The following DLGAP2 variants were observed in gnomAD, a reference collection of about 807,000 sequenced individuals.
DLGAP2 encodes the protein DLG associated protein 2.
Under a neutral mutation model 100.3 loss-of-function variants are expected in DLGAP2, and 26 were observed. The observed-to-expected ratio is 0.26, with a 90% CI of 0.19 to 0.36. DLGAP2 has a LOEUF of 0.36. Among genes scored for constraint, DLGAP2 ranks in the 10% least tolerant of loss-of-function variants. DLGAP2 has a pLI of 1.00. For missense variants in DLGAP2, 1,858 were observed against 1,453.2 expected (o/e 1.28, Z -4.53); for synonymous variants, 886 against 630.1 (o/e 1.41, Z -6.08).
At chr8:840,989 A>G (rs1796973811) in intron 1 of DLGAP2, among the ~76,000 whole-genome samples, 1 of 152,212 alleles carries the variant, frequency 6.6e-6, no homozygotes, top group African/African-American at 2.4e-5. Flanking sequence ...GTGATGTCAG[A>G]AAGTATTGAC....
chr8:1,218,051 GTT>G (rs1798247189), intron 2 of DLGAP2, among the ~76,000 whole-genome samples: 1 of 152,116 alleles, frequency 6.6e-6, no homozygotes, highest in African/African-American at 2.4e-5. Flanking sequence ...TAAGTTGTCT[GTT>G]TGCTCTGTTG....
intron 2 of DLGAP2, among the ~76,000 whole-genome samples, chr8:980,313 A>G (rs1381625754): frequency 6.6e-6 from 1 of 152,198 alleles, no homozygotes; most frequent in Non-Finnish European, 1.5e-5. Context: ...TTGGTTAATG[A>G]CCTGGGAAAG....
At chr8:917,339 A>G (rs1798616231) in intron 2 of DLGAP2, among the ~76,000 whole-genome samples, 1 of 151,466 alleles carries the variant, frequency 6.6e-6, no homozygotes, top group African/African-American at 2.4e-5. Flanking sequence ...CTCAGGCACA[A>G]ACAATCTTTC....
intron 3 of DLGAP2, among the ~76,000 whole-genome samples, chr8:1,267,694 C>T (rs192337346): frequency 1.3e-5 from 2 of 152,188 alleles, no homozygotes; most frequent in South Asian, 2.1e-4. Context: ...GAGACGCCCA[C>T]GTCCTCCGTG....
At chr8:1,138,953 T>C (rs1293006063) in intron 2 of DLGAP2, among the ~76,000 whole-genome samples, 1 of 152,118 alleles carries the variant, frequency 6.6e-6, no homozygotes, top group South Asian at 2.1e-4. Flanking sequence ...TGGGAAACTC[T>C]TCCTGTTTAT....
At chr8:748,212 G>T (rs1181915942) in intron 1 of DLGAP2, among the ~76,000 whole-genome samples, 1 of 140,104 alleles carries the variant, frequency 7.1e-6, no homozygotes, top group African/African-American at 2.7e-5. Context: ...CTCTGCGGTG[G>T]GATGAGCGGG....
intron 3 of DLGAP2, among the ~76,000 whole-genome samples, chr8:1,432,718 G>C (rs1254973329): frequency 1.3e-5 from 2 of 152,228 alleles, no homozygotes; most frequent in African/African-American, 2.4e-5. Context: ...AATTTGGCTG[G>C]TGAGATGCCA....
At chr8:1,128,229 C>T (rs1169040463) in intron 2 of DLGAP2, among the ~76,000 whole-genome samples, 4 of 151,438 alleles carry the variant, frequency 2.6e-5, no homozygotes, top group African/African-American at 7.3e-5. Flanking sequence ...ATGTTGTGTT[C>T]GGTGAGGACC....
chr8:1,699,050 T>TG, intron 14 of DLGAP2, among the ~76,000 whole-genome samples: 1 of 152,234 alleles, frequency 6.6e-6, no homozygotes, highest in Admixed American at 6.5e-5. Flanking sequence ...GGATCTGAGG[T>TG]GAAGGAGATG....
At chr8:1,215,948 G>T (rs976113423) in intron 2 of DLGAP2, among the ~76,000 whole-genome samples, 1 of 151,536 alleles carries the variant, frequency 6.6e-6, no homozygotes, top group Non-Finnish European at 1.5e-5. Flanking sequence ...GTTCATTTGG[G>T]TGCATCACCT....
intron 2 of DLGAP2, among the ~76,000 whole-genome samples, chr8:1,077,111 G>A (rs1453323147): frequency 6.6e-6 from 1 of 152,160 alleles, no homozygotes; most frequent in African/African-American, 2.4e-5. Flanking sequence ...GGGTTCCGTG[G>A]CCTGATAGTC....
chr8:1,024,081 A>T (rs1801710915), intron 2 of DLGAP2, among the ~76,000 whole-genome samples: 1 of 151,922 alleles, frequency 6.6e-6, no homozygotes, highest in African/African-American at 2.4e-5. Context: ...TTCCTGCAGG[A>T]CGAGGCCTCC....
chr8:850,827 AT>A (rs1298146665), intron 1 of DLGAP2, among the ~76,000 whole-genome samples: 1,805 of 150,856 alleles, frequency 0.012, 47 homozygotes, highest in African/African-American at 0.042. Context: ...AATAGTTAAA[AT>A]TTTTTTTTTC....
At chr8:1,597,146 G>C (rs980103173) in intron 6 of DLGAP2, among the ~76,000 whole-genome samples, 1 of 152,054 alleles carries the variant, frequency 6.6e-6, no homozygotes, top group Admixed American at 6.6e-5. Context: ...GTTTGTTTTT[G>C]TCAGGTTTGT....
intron 6 of DLGAP2, among the ~76,000 whole-genome samples, chr8:1,592,749 C>T (rs1796329654): frequency 6.6e-6 from 1 of 152,140 alleles, no homozygotes; most frequent in Non-Finnish European, 1.5e-5. Context: ...ATTATGACCT[C>T]CTCAAATGGA....
chr8:1,284,797 G>T (rs1348889921), intron 3 of DLGAP2, among the ~76,000 whole-genome samples: 6 of 152,154 alleles, frequency 3.9e-5, no homozygotes, highest in African/African-American at 1.4e-4. Context: ...TTTATTGAGA[G>T]ATGAGGTCTC....
rs569936991 is a variant in DLGAP2 at position 1,571,145 on chromosome 8, G to A, written c.1442+5251G>A. ...GAGGAGAAAGGGGTGAACTGTGGGG[G>A]CATCTTCTGGGATGGAGAGGAGAGA... On this transcript the variant is annotated intron_variant, in intron 6 of 14. Transcript: ENST00000637795. Among the ~76,000 whole-genome samples the A allele has an allele frequency of 4.1e-5, 5 of 121,980 alleles. 1 individual carries two copies. The highest frequency in any genetic ancestry group is 1.1e-4 in the African/African-American group (3 of 27,960). 80.0% of individuals were successfully genotyped at this position (121,980 alleles called of 152,430 possible).
intron 2 of DLGAP2, among the ~76,000 whole-genome samples, chr8:1,038,898 T>G (rs1284446047): frequency 6.6e-6 from 1 of 152,222 alleles, no homozygotes; most frequent in Non-Finnish European, 1.5e-5. Context: ...ATCAACTATT[T>G]GTCAGTTTCT....
chr8:1,328,445 A>C (rs1250681818), intron 3 of DLGAP2, among the ~76,000 whole-genome samples: 5 of 151,956 alleles, frequency 3.3e-5, no homozygotes, highest in Non-Finnish European at 5.9e-5. Flanking sequence ...CAGCCTCCCG[A>C]GTAGCGGGAT....
Sources: allele counts gnomAD v4.1 joint callset (sites outside exome capture counted in the v4.1 genomes callset), GRCh38; gene constraint gnomAD v4.1.1; transcripts MANE v1.5; gene names NCBI Gene and HGNC (gene_info 2026-07-23, HGNC 2026-07-21).